The following ZNF680 variants were observed in gnomAD, a reference collection of about 807,000 sequenced individuals.
ZNF680 encodes zinc finger protein 680.
A neutral mutation model predicts 12.1 loss-of-function variants in ZNF680; 6 were observed. The ratio of observed to expected loss-of-function variants is 0.49; its 90% CI spans 0.27 to 0.98. The LOEUF (loss-of-function observed/expected upper bound fraction) is 0.98. ZNF680 is among the 50% of genes least tolerant of loss of function. The pLI, the probability that ZNF680 is intolerant of heterozygous loss-of-function variation, is 0.12. For synonymous variants in ZNF680, 170 were observed against 199.3 expected (o/e 0.85, Z 1.24); for missense variants, 561 against 616.3 (o/e 0.91, Z 0.95).
At chr7:64,518,252 C>A (rs996362703), downstream of ZNF680, among the ~76,000 whole-genome samples, 2 of 151,968 alleles carry the variant, frequency 1.3e-5, no homozygotes, top group African/African-American at 4.8e-5. Flanking sequence ...TTTATGTACA[C>A]AAATCAGTCA....
chr7:64,507,214 G>A, the ZNF680 span, among the ~76,000 whole-genome samples: 1 of 152,050 alleles, frequency 6.6e-6, no homozygotes, highest in Non-Finnish European at 1.5e-5. Context: ...GCATAATCTC[G>A]TGTATATGTA....
intron 3 of ZNF680, among the ~76,000 whole-genome samples, chr7:64,540,360 A>G (rs2116474028): frequency 6.7e-6 from 1 of 148,232 alleles, no homozygotes; most frequent in Middle Eastern, 3.5e-3. Flanking sequence ...GCTGGAGTAC[A>G]GTAGTGCAAT....
intron 1 of ZNF680, among the ~76,000 whole-genome samples, chr7:64,547,304 C>G (rs552166168): frequency 4.6e-5 from 7 of 152,312 alleles, no homozygotes; most frequent in African/African-American, 1.7e-4. Flanking sequence ...CCCTTAAACT[C>G]AGCACTCTTG....
intron 3 of ZNF680, among the ~76,000 whole-genome samples, chr7:64,529,312 A>C (rs1401880502): frequency 6.6e-6 from 1 of 152,238 alleles, no homozygotes; most frequent in South Asian, 2.1e-4. Flanking sequence ...ACCAAGAAGG[A>C]ATCCCTGTTT....
At chr7:64,503,974 T>A in the ZNF680 span, among the ~76,000 whole-genome samples, 91 of 152,294 alleles carry the variant, frequency 6.0e-4, no homozygotes, top group Non-Finnish European at 1.1e-3. Context: ...AGTATATGCA[T>A]CAATAATAAA....
intron 1 of ZNF680, among the ~76,000 whole-genome samples, chr7:64,558,864 T>A (rs558612326): frequency 1.3e-5 from 2 of 151,418 alleles, no homozygotes; most frequent in East Asian, 3.9e-4. Context: ...CAAGTCGCAA[T>A]AGGATCTGTG....
chr7:64,516,397 C>T (rs148885096), downstream of ZNF680, among the ~76,000 whole-genome samples: 278 of 152,282 alleles, frequency 1.8e-3, 1 homozygote, highest in African/African-American at 6.3e-3. Context: ...ACCTGGGAGA[C>T]AGCCCAAATA....
Position 64,522,740 on chromosome 7 carries a change from A to G in ZNF680, c.254-240T>C, listed in dbSNP as rs76651249. Among the ~76,000 whole-genome samples the G allele has an allele frequency of 2.8e-3, 430 of 152,162 alleles. 1 individual carries two copies. Among genetic ancestry groups the G allele is most frequent in the Non-Finnish European group, 5.0e-3 (338 of 67,918 alleles). ...ATAAACACAATTTCAAAAGTCACAGACAAGAAGAGAATCTTGTGAGTTGCA... is the reference window on the plus strand; with the variant it reads ...ATAAACACAATTTCAAAAGTCACAGGCAAGAAGAGAATCTTGTGAGTTGCA... On this transcript the variant is annotated intron_variant, in intron 3 of 3. Coordinates refer to ENST00000309683, the MANE Select transcript of ZNF680 (RefSeq NM_178558.5).
chr7:64,522,557 T>A (rs972720873), intron 3 of ZNF680, 57 bp from the exon 4 acceptor site: 4 of 1,225,990 alleles, frequency 3.3e-6, no homozygotes, highest in Non-Finnish European at 4.2e-6. Context: ...TGAATATATT[T>A]TACATATCAA....
chr7:64,518,353 A>G (rs1037851797), downstream of ZNF680, among the ~76,000 whole-genome samples: 2 of 152,002 alleles, frequency 1.3e-5, no homozygotes, highest in South Asian at 4.1e-4. Context: ...ACTTAAAAAT[A>G]TACCTAAACA....
chr7:64,506,092 G>A, the ZNF680 span, among the ~76,000 whole-genome samples: 1 of 151,900 alleles, frequency 6.6e-6, no homozygotes, highest in Non-Finnish European at 1.5e-5. Context: ...ACACTCAAGA[G>A]GAAAGGATTA....
At chr7:64,559,236 A>G (rs891783890) in intron 1 of ZNF680, among the ~76,000 whole-genome samples, 4 of 152,164 alleles carry the variant, frequency 2.6e-5, no homozygotes, top group African/African-American at 9.7e-5. Flanking sequence ...TCAGGGTCCC[A>G]AGAGTTTATT....
chr7:64,545,215 G>A (rs1786721374), intron 1 of ZNF680, among the ~76,000 whole-genome samples: 1 of 137,958 alleles, frequency 7.2e-6, no homozygotes, highest in African/African-American at 2.6e-5. Context: ...AGTGAACTGA[G>A]ACTGCGCCAG....
At chr7:64,548,844 C>T (rs971217594) in intron 1 of ZNF680, among the ~76,000 whole-genome samples, 2 of 151,974 alleles carry the variant, frequency 1.3e-5, no homozygotes, top group Admixed American at 6.5e-5. Flanking sequence ...TGAAACTGGC[C>T]GGGCGCGGTG....
At position 64,520,992 on chromosome 7, in the gene ZNF680, G is replaced by T; in HGVS notation, c.*169C>A. On this transcript the variant is annotated 3_prime_UTR_variant, in exon 4 of 4. Transcript: ENST00000309683. ...GTAAAAATGCTTTCCTGTGCAATAA[G>T]ATGTGAGTATTGGTTAAGTTTTGTC... is the stretch of plus-strand genomic sequence containing the variant. 1 of 673,356 alleles carries T rather than the reference G, an allele frequency of 1.5e-6. No homozygotes were observed. Among genetic ancestry groups the T allele is most frequent in the Non-Finnish European group, 2.4e-6 (1 of 417,664 alleles). The allele number at this position is 673,356 out of a possible 1,614,324, so 41.7% of individuals were successfully genotyped here. A position where few individuals can be genotyped will look rare whatever the true frequency, so the allele number is the denominator to read the frequency against.
intron 2 of ZNF680, 71 bp downstream of exon 2, chr7:64,544,235 C>G: frequency 1.3e-6 from 2 of 1,535,632 alleles, no homozygotes; most frequent in South Asian, 1.2e-5. Flanking sequence ...CAAATTACCA[C>G]AAGTTATGCA....
intron 3 of ZNF680, among the ~76,000 whole-genome samples, chr7:64,528,009 A>T (rs1483447118): frequency 6.6e-6 from 1 of 152,182 alleles, no homozygotes; most frequent in Non-Finnish European, 1.5e-5. Context: ...GAAAAGGGAG[A>T]TCCTTCACCG....
chr7:64,562,823 TTTGGAGCCCAGTGC>T, intron 1 of ZNF680, 88 bp downstream of exon 1: 2 of 1,392,670 alleles, frequency 1.4e-6, no homozygotes, highest in Non-Finnish European at 2.0e-6. Context: ...GGCCGCGGAT[TTTGGAGCCCAGTGC>T]TTGGAGCCTG....
rs201903810 is a variant in ZNF680, at chr7:64,543,695, A to C, written c.253+12T>G. The C allele has an allele frequency of 6.8e-6, 11 of 1,608,172 alleles. No individual in the cohort carries two copies. The highest frequency in any genetic ancestry group is 9.4e-6 in the Non-Finnish European group (11 of 1,175,854). ...TGTGTCATCTGTTGTATTCACTATC[A>C]CTCTCACCTACCTGGGGGTTTGGCT... On this transcript the variant is annotated intron_variant, in intron 3 of 3. Coordinates refer to ENST00000309683, the MANE Select transcript of ZNF680 (RefSeq NM_178558.5).
Sources: allele counts gnomAD v4.1 joint callset (sites outside exome capture counted in the v4.1 genomes callset), GRCh38; gene constraint gnomAD v4.1.1; transcripts MANE v1.5; gene names NCBI Gene and HGNC (gene_info 2026-07-23, HGNC 2026-07-21).